ANO4: variants seen among roughly 807,000 people sequenced by gnomAD.
ANO4 encodes anoctamin-4.
A neutral mutation model predicts 141.9 loss-of-function variants in ANO4; 69 were observed. The ratio of observed to expected loss-of-function variants is 0.49; its 90% CI spans 0.40 to 0.59. ANO4 has a LOEUF of 0.59. ANO4 is among the 20% of genes least tolerant of loss of function. The pLI is 0.00. For missense variants in ANO4, 894 were observed against 1,162.2 expected (o/e 0.77, Z 3.36); for synonymous variants, 350 against 394.3 (o/e 0.89, Z 1.33).
At chr12:100,893,012 C>T (rs938974126) in intron 1 of ANO4, among the ~76,000 whole-genome samples, 1 of 151,960 alleles carries the variant, frequency 6.6e-6, no homozygotes, top group South Asian at 2.1e-4. Context: ...ATTCAGGGGA[C>T]ATATATATAG....
Position 100,782,158 on chromosome 12 carries a change from T to A in ANO4, c.358+42053T>A, listed in dbSNP as rs532128351. Reference sequence around the variant, plus strand: ...ATTCATTGCCTTTACTTCCTACATCTCTGATCTCCACTCTTCACTATTTCT... The same window carrying A: ...ATTCATTGCCTTTACTTCCTACATCACTGATCTCCACTCTTCACTATTTCT... On this transcript the variant is annotated intron_variant, in intron 3 of 29. Transcript: ENST00000644049. Among the ~76,000 whole-genome samples the A allele has an allele frequency of 5.9e-5, 9 of 152,318 alleles. No individual in the cohort carries two copies. In the East Asian group the frequency reaches 1.5e-3, roughly 26 times the overall value.
chr12:100,754,304 C>T lies in ANO4; in HGVS notation c.358+14199C>T, dbSNP rs57982893. ...CACAAATGTCCCTCAAGTCTATGCT[C>T]TTTTCTTTAGTCCTGTGGTCATTGC... On this transcript the variant is annotated intron_variant, in intron 3 of 29. Coordinates refer to the ANO4 transcript ENST00000644049. Among the ~76,000 whole-genome samples the T allele has an allele frequency of 5.1e-3, 772 of 152,324 alleles. 26 individuals are homozygous for T. The East Asian group carries it at 0.072, about 14-fold the overall frequency.
At chr12:101,003,269 T>C (rs1289015758) in intron 8 of ANO4, among the ~76,000 whole-genome samples, 3 of 152,228 alleles carry the variant, frequency 2.0e-5, no homozygotes, top group African/African-American at 7.2e-5. Context: ...CATGATTCCT[T>C]TATCATGGGA....
chr12:101,086,569 C>T, intron 16 of ANO4, 91 bp from the exon 17 acceptor site: 1 of 1,468,168 alleles, frequency 6.8e-7, no homozygotes, highest in Non-Finnish European at 9.4e-7. Context: ...GTGTTACTTC[C>T]TTTTCCCATC....
chr12:101,053,214 C>G (rs1307689640), intron 14 of ANO4, among the ~76,000 whole-genome samples: 1 of 152,062 alleles, frequency 6.6e-6, no homozygotes, highest in Non-Finnish European at 1.5e-5. Context: ...AAAGGTTCAC[C>G]CAAGAAGAGA....
chr12:101,126,649 G>A (rs1054388979), intron 26 of ANO4, among the ~76,000 whole-genome samples: 1 of 152,046 alleles, frequency 6.6e-6, no homozygotes, highest in East Asian at 1.9e-4. Context: ...TTAATTATCT[G>A]ACCATTCTTT....
chr12:101,107,446 A>T (rs1389608243), intron 22 of ANO4, among the ~76,000 whole-genome samples: 1 of 152,206 alleles, frequency 6.6e-6, no homozygotes, highest in African/African-American at 2.4e-5. Flanking sequence ...TGTGGCAGCT[A>T]CAGAGGAGGT....
intron 2 of ANO4, among the ~76,000 whole-genome samples, chr12:100,902,955 G>GC (rs2040665440): frequency 6.6e-6 from 1 of 152,080 alleles, no homozygotes; most frequent in African/African-American, 2.4e-5. Context: ...ACTGCTAGCT[G>GC]TTTACCTTCA....
intron 8 of ANO4, among the ~76,000 whole-genome samples, chr12:101,014,380 C>T (rs183669015): frequency 4.6e-5 from 7 of 152,248 alleles, no homozygotes; most frequent in African/African-American, 1.4e-4. Flanking sequence ...CGGGTGAAAA[C>T]GAGGTTGCTC....
At chr12:100,892,430 C>G (rs1160367295) in intron 1 of ANO4, among the ~76,000 whole-genome samples, 1 of 152,196 alleles carries the variant, frequency 6.6e-6, no homozygotes, top group Non-Finnish European at 1.5e-5. Context: ...TACTCACCCC[C>G]TCTTCCAAGG....
At chr12:100,738,768 A>G (rs1373498325) in intron 2 of ANO4, among the ~76,000 whole-genome samples, 2 of 151,938 alleles carry the variant, frequency 1.3e-5, no homozygotes, top group Non-Finnish European at 2.9e-5. Flanking sequence ...GCAACTTGAC[A>G]TGACCATCAT....
intron 8 of ANO4, among the ~76,000 whole-genome samples, chr12:100,993,399 G>C (rs1339551310): frequency 1.3e-5 from 2 of 152,140 alleles, no homozygotes; most frequent in Non-Finnish European, 2.9e-5. Context: ...ACAATAGTTT[G>C]AGGGCTGAGG....
At chr12:101,098,696 TAAACA>T (rs1429637432) in intron 21 of ANO4, among the ~76,000 whole-genome samples, 19 of 152,198 alleles carry the variant, frequency 1.2e-4, no homozygotes, top group Non-Finnish European at 7.3e-5. Context: ...AATAAAACAT[TAAACA>T]AAAATTATCA....
intron 12 of ANO4, 74 bp downstream of exon 12, chr12:101,042,542 A>G: frequency 6.4e-7 from 1 of 1,570,762 alleles, no homozygotes; most frequent in Non-Finnish European, 8.7e-7. Flanking sequence ...GGGGGTATTC[A>G]CAGATTGTGG....
At chr12:100,872,832 T>G (rs948601020) in intron 1 of ANO4, among the ~76,000 whole-genome samples, 2 of 152,224 alleles carry the variant, frequency 1.3e-5, no homozygotes, top group Non-Finnish European at 2.9e-5. Flanking sequence ...TCTATCCTGA[T>G]GTGGTTTGGA....
At chr12:100,872,132 C>A (rs1036220300) in intron 1 of ANO4, among the ~76,000 whole-genome samples, 1 of 151,704 alleles carries the variant, frequency 6.6e-6, no homozygotes, top group African/African-American at 2.4e-5. Context: ...CAATATTATT[C>A]ATTCATTCAT....
At chr12:100,852,083 C>A (rs886198444) in intron 1 of ANO4, among the ~76,000 whole-genome samples, 1 of 152,076 alleles carries the variant, frequency 6.6e-6, no homozygotes, top group Admixed American at 6.6e-5. Context: ...GGGGAGTGAC[C>A]TGACATGACT....
intron 2 of ANO4, among the ~76,000 whole-genome samples, chr12:100,906,451 TTAA>T (rs1296671259): frequency 1.3e-5 from 2 of 152,212 alleles, no homozygotes; most frequent in East Asian, 3.8e-4. Context: ...GGCACATATC[TTAA>T]TAACATTTAT....
intron 26 of ANO4, among the ~76,000 whole-genome samples, chr12:101,122,833 G>T (rs1348482076): frequency 6.6e-6 from 1 of 152,076 alleles, no homozygotes; most frequent in East Asian, 1.9e-4. Flanking sequence ...TATTACAAGT[G>T]GTATTTCTGG....
Sources: gnomAD v4.1 joint callset for allele counts (sites outside exome capture counted in the v4.1 genomes callset) on GRCh38, gnomAD v4.1.1 for gene constraint, MANE v1.5 for transcripts, NCBI Gene and HGNC (gene_info 2026-07-23, HGNC 2026-07-21) for gene names.